ADI1: variants seen among roughly 807,000 people sequenced by gnomAD.
The protein encoded by ADI1 is acireductone dioxygenase 1.
Under a neutral mutation model 18.7 loss-of-function variants are expected in ADI1, and 21 were observed. That is an observed-to-expected ratio of 1.13 (90% CI 0.80 to 1.62). ADI1 has a LOEUF of 1.62. Among genes scored for constraint, ADI1 ranks in the 40% most tolerant of loss-of-function variants. ADI1 has a pLI of 0.00. For synonymous variants in ADI1, 90 were observed against 100.1 expected, an observed-to-expected ratio of 0.90 and a Z score of 0.60; for missense variants, 245 against 254.9, an observed-to-expected ratio of 0.96 and a Z score of 0.26.
rs1666911859 is a variant in ADI1, at chr2:3,498,354, A to G, written c.*609T>C. On this transcript the variant is annotated 3_prime_UTR_variant, in exon 4 of 4. Coordinates refer to ENST00000327435, the MANE Select transcript of ADI1 (RefSeq NM_018269.4). The stretch of plus-strand genomic sequence containing the variant: ...CAGCTCATATATAAATTACTTATCT[A>G]TAAGAACAATTATAGAAGGAATCTA... 1 of 152,276 alleles carries G rather than the reference A, an allele frequency of 6.6e-6. No homozygotes were observed. Among genetic ancestry groups the G allele is most frequent in the Non-Finnish European group, 1.5e-5 (1 of 68,054 alleles). 9.4% of individuals were successfully genotyped at this position (152,276 alleles called of 1,614,324 possible).
Position 3,497,852 on chromosome 2 carries a change from T to C in ADI1, c.*1111A>G, listed in dbSNP as rs1430423624. The stretch of plus-strand genomic sequence containing the variant: ...AAAGCGATAGTTTATCATATGAATG[T>C]TTCGTTCTTAAAAATGAACAAGCTC... On this transcript the variant is annotated 3_prime_UTR_variant, in exon 4 of 4. Coordinates refer to ENST00000327435, the MANE Select transcript of ADI1 (RefSeq NM_018269.4). The C allele has an allele frequency of 6.6e-6, 1 of 152,212 alleles. No homozygotes were observed. The highest frequency in any genetic ancestry group is 2.4e-5 in the African/African-American group (1 of 41,446). The allele number at this position is 152,212 out of a possible 1,614,324, so 9.4% of individuals were successfully genotyped here.
rs940153292 is a variant in ADI1 at position 3,503,334 on chromosome 2, C to G, written c.241-2341G>C. Among the ~76,000 whole-genome samples, 9 of 150,918 alleles carry G rather than the reference C, an allele frequency of 6.0e-5. 1 individual carries two copies. Among genetic ancestry groups the G allele is most frequent in the Non-Finnish European group, 1.0e-4 (7 of 67,900 alleles). On this transcript the variant is annotated intron_variant, in intron 2 of 3. Coordinates refer to ENST00000327435, the MANE Select transcript of ADI1 (RefSeq NM_018269.4). ...ACACGCACATTCACACACATGCACACATACACACGTACTCACACGCACATT... is the reference window on the plus strand; with the variant it reads ...ACACGCACATTCACACACATGCACAGATACACACGTACTCACACGCACATT...
intron 2 of ADI1, among the ~76,000 whole-genome samples, chr2:3,507,733 TAAG>T (rs1395645699): frequency 6.6e-6 from 1 of 152,210 alleles, no homozygotes; most frequent in African/African-American, 2.4e-5. Flanking sequence ...AGAACAGAAA[TAAG>T]AAGAAAACTA....
Position 3,500,804 on chromosome 2 carries a change from G to C in ADI1, c.420+10C>G. Reference sequence around the variant, plus strand: ...AGGCCGGGCCTGGGGAGAAAGCACAGCACTCCCACCTTCTCGTCCACCGTG... The same window carrying C: ...AGGCCGGGCCTGGGGAGAAAGCACACCACTCCCACCTTCTCGTCCACCGTG... On this transcript the variant is annotated intron_variant, in intron 3 of 3. Coordinates refer to ENST00000327435, the MANE Select transcript of ADI1 (RefSeq NM_018269.4). 1.2e-6 allele frequency: 2 copies of C among 1,613,628 alleles called. No homozygotes were observed. Among genetic ancestry groups the C allele is most frequent in the South Asian group, 1.1e-5 (1 of 91,020 alleles).
At chr2:3,502,538 C>T (rs1218508572) in intron 2 of ADI1, among the ~76,000 whole-genome samples, 2 of 151,278 alleles carry the variant, frequency 1.3e-5, no homozygotes, top group Non-Finnish European at 3.0e-5. Context: ...CTTCAACCTC[C>T]GCCTCCCAGG....
chr2:3,518,474 G>C (rs1028443334), intron 1 of ADI1, among the ~76,000 whole-genome samples: 1 of 152,220 alleles, frequency 6.6e-6, no homozygotes, highest in Non-Finnish European at 1.5e-5. Context: ...AAGGTGAGCG[G>C]ATCTGGACTG....
rs1295861478 is a variant in ADI1, at chr2:3,497,620, C to CT, written c.*1342dup. 6.6e-6 allele frequency: 1 copy of CT among 152,330 alleles called. No homozygotes were observed. The highest frequency in any genetic ancestry group is 2.4e-5 in the African/African-American group (1 of 41,566). The allele number at this position is 152,330 out of a possible 1,614,324, so 9.4% of individuals were successfully genotyped here. ...GCTCTAAGAATCCTCCCACCTTAGC[C>CT]TCCTGAGTAGCTGAGATTACAGGCA... On this transcript the variant is annotated 3_prime_UTR_variant, in exon 4 of 4. Coordinates refer to ENST00000327435, the MANE Select transcript of ADI1 (RefSeq NM_018269.4).
rs146120158 is a variant in ADI1 at position 3,503,274 on chromosome 2, CAT to C, written c.241-2283_241-2282del. 9.7e-4 allele frequency among the ~76,000 whole-genome samples: 96 copies of C among 98,754 alleles called. 6 individuals are homozygous for C. Among genetic ancestry groups the C allele is most frequent in the Middle Eastern group, 5.3e-3 (1 of 188 alleles). 64.8% of individuals were successfully genotyped at this position (98,754 alleles called of 152,430 possible). ...CACATGCACACACGTAACACTCACT[CAT>C]GTGCATTCACACACATGCACACATA... On this transcript the variant is annotated intron_variant, in intron 2 of 3. Coordinates refer to ENST00000327435, the MANE Select transcript of ADI1 (RefSeq NM_018269.4).
At chr2:3,515,935 T>A (rs1328392720) in intron 1 of ADI1, 2 of 985,342 alleles carry the variant, frequency 2.0e-6, no homozygotes, top group Non-Finnish European at 2.4e-6. Flanking sequence ...CATCAATACG[T>A]TATTTTCTAC....
intron 3 of ADI1, chr2:3,500,507 A>C: frequency 1.7e-5 from 5 of 293,602 alleles, no homozygotes; most frequent in Non-Finnish European, 2.2e-5. Flanking sequence ...GGGCAGGGCC[A>C]GGCTCGTGGG....
intron 2 of ADI1, among the ~76,000 whole-genome samples, chr2:3,512,446 G>A (rs1667310485): frequency 6.6e-6 from 1 of 152,236 alleles, no homozygotes; most frequent in Non-Finnish European, 1.5e-5. Flanking sequence ...CTGCCCTACA[G>A]AGCCTCAGGA....
chr2:3,502,639 G>A (rs180768696), intron 2 of ADI1, among the ~76,000 whole-genome samples: 6 of 152,044 alleles, frequency 3.9e-5, no homozygotes, highest in East Asian at 1.9e-4. Context: ...TAGTAGAGAC[G>A]GGGTTTCTCC....
At chr2:3,516,634 C>T in intron 1 of ADI1, 1 of 779,686 alleles carries the variant, frequency 1.3e-6, no homozygotes, top group Non-Finnish European at 1.6e-6. Context: ...TTCTTAGCCT[C>T]TAGAACTATA....
In ADI1 at chr2:3,500,028, A is replaced by G. The variant is rs187123814; in HGVS notation, c.420+786T>C. On this transcript the variant is annotated intron_variant, in intron 3 of 3. Transcript: ENST00000327435. The stretch of plus-strand genomic sequence containing the variant: ...TGCATTGAGCCGAGATCAAGCCACT[A>G]CATGCCAGCCTGGGCGACAAAGTGA... Among the ~76,000 whole-genome samples, 127 of 151,742 alleles carry G rather than the reference A, an allele frequency of 8.4e-4. 2 individuals carry two copies. Among genetic ancestry groups the G allele is most frequent in the African/African-American group, 2.9e-3 (120 of 41,360 alleles).
chr2:3,511,579 C>T (rs1667295291), intron 2 of ADI1, among the ~76,000 whole-genome samples: 1 of 152,176 alleles, frequency 6.6e-6, no homozygotes, highest in Admixed American at 6.5e-5. Flanking sequence ...TACACAGTCT[C>T]AGATATTTCT....
chr2:3,499,517 C>T lies in ADI1; in HGVS notation c.421-435G>A, dbSNP rs543457488. ...CACATCCGTCCAGACTAAAAACGCA[C>T]GTGCCTTTTAATTCAGTTTTTACTT... is the stretch of plus-strand genomic sequence containing the variant. On this transcript the variant is annotated intron_variant, in intron 3 of 3. Coordinates refer to ENST00000327435, the MANE Select transcript of ADI1 (RefSeq NM_018269.4). Among the ~76,000 whole-genome samples, 8 of 152,284 alleles carry T rather than the reference C, an allele frequency of 5.3e-5. No homozygotes were observed. In the South Asian group the frequency reaches 1.2e-3, roughly 24 times the overall value.
At chr2:3,502,348 C>CA (rs1472566377) in intron 2 of ADI1, among the ~76,000 whole-genome samples, 1 of 151,260 alleles carries the variant, frequency 6.6e-6, no homozygotes, top group African/African-American at 2.4e-5. Flanking sequence ...TTATGTGTTA[C>CA]AAAATCATAA....
chr2:3,503,333 A>G (rs1188361966), intron 2 of ADI1, among the ~76,000 whole-genome samples: 2 of 150,510 alleles, frequency 1.3e-5, no homozygotes, highest in Non-Finnish European at 3.0e-5. Context: ...ACACATGCAC[A>G]CATACACACG....
intron 2 of ADI1, among the ~76,000 whole-genome samples, chr2:3,501,799 A>G (rs1667019573): frequency 6.6e-6 from 1 of 152,118 alleles, no homozygotes; most frequent in African/African-American, 2.4e-5. Context: ...CAGTGCTGGG[A>G]TTCCAGGTGG....
Sources: allele counts gnomAD v4.1 joint callset (sites outside exome capture counted in the v4.1 genomes callset), GRCh38; gene constraint gnomAD v4.1.1; transcripts MANE v1.5; gene names NCBI Gene and HGNC (gene_info 2026-07-23, HGNC 2026-07-21).